The following RORC variants were observed in gnomAD, a reference collection of about 807,000 sequenced individuals.
RORC encodes the protein RAR related orphan receptor C.
RORC carries 13 observed loss-of-function variants against 64.5 expected under a neutral mutation model. That is an observed-to-expected ratio of 0.20 (90% confidence interval 0.13 to 0.32). The LOEUF is 0.32. RORC is among the 10% of genes least tolerant of loss of function. The pLI is 1.00. For synonymous variants in RORC, 277 were observed against 259.3 expected (o/e 1.07, Z -0.65); for missense variants, 468 against 669.5 (o/e 0.70, Z 3.32).
Position 151,807,567 on chromosome 1 carries a change from G to A in RORC, c.1462C>T (p.His488Tyr), listed in dbSNP as rs774068312. The change falls in exon 11 of 11, where the codon CAC becomes TAC. Residue 488 changes from histidine to tyrosine, a missense_variant. His to Tyr is a moderately conservative substitution (Grantham distance 83). This residue lies in a region of RORC where 93 missense variants were observed against 116.6 expected (regional missense o/e 0.80). Coordinates refer to ENST00000318247, the MANE Select transcript of RORC (RefSeq NM_005060.4). The surrounding 1 kb of genome is among the most constrained non-coding windows in gnomAD (Gnocchi z 5.0). ...GCTTGGACCACGATGGGGTGGAGGT[G>A]CTGGAAGATCTGCAGCCTTTCCACA... ...QHVERLQIFQ[H>Y]LHPIVVQAAF... The A allele has an allele frequency of 1.2e-6, 2 of 1,614,160 alleles. No individual in the cohort carries two copies. The highest frequency in any genetic ancestry group is 8.5e-7 in the Non-Finnish European group (1 of 1,180,020).
intron 2 of RORC, among the ~76,000 whole-genome samples, chr1:151,822,861 C>T (rs985680474): frequency 3.9e-5 from 6 of 152,236 alleles, no homozygotes; most frequent in African/African-American, 1.2e-4. Context: ...GGTGAGACTT[C>T]AGAAAGGACT....
chr1:151,810,109 G>A (rs1351222011), intron 10 of RORC, among the ~76,000 whole-genome samples: 1 of 151,994 alleles, frequency 6.6e-6, no homozygotes, highest in African/African-American at 2.4e-5. Flanking sequence ...TTCTCCTGTT[G>A]TTCTTGGTCT....
chr1:151,830,905 G>T lies in RORC; in HGVS notation c.40+820C>A. ...CCTTGCACCTCAGAGCAGTCCTGTG[G>T]TGGGGGTGCTCCCCTTGCTCACCCA... On this transcript the variant is annotated intron_variant, in intron 1 of 10. Coordinates refer to ENST00000318247, the MANE Select transcript of RORC (RefSeq NM_005060.4). This position sits in a 1 kb window ranked among gnomAD's most constrained non-coding sequence, Gnocchi z 4.0. 1 of 1,281,736 alleles carries T rather than the reference G, an allele frequency of 7.8e-7. No individual in the cohort carries two copies. Among genetic ancestry groups the T allele is most frequent in the African/African-American group, 1.5e-5 (1 of 65,840 alleles). 79.4% of individuals were successfully genotyped at this position (1,281,736 alleles called of 1,614,324 possible).
chr1:151,815,242 C>T lies in RORC; in HGVS notation c.482G>A (p.Gly161Asp), dbSNP rs1651713099. 1 of 1,610,656 alleles carries T rather than the reference C, an allele frequency of 6.2e-7. No individual in the cohort carries two copies. Among genetic ancestry groups the T allele is most frequent in the Non-Finnish European group, 8.5e-7 (1 of 1,177,738 alleles). ...AGCCTCAGGCAGGTCAGGCGAGGAG[C>T]CCAGGGGCAGCTGCCCGTCTGGGAG... is the stretch of plus-strand genomic sequence containing the variant. ...LGLPDGQLPL[G>D]SSPDLPEASA... Residue 161 changes from glycine (G) to aspartate (D), a missense_variant, in exon 5 of 11, where the codon GGC becomes GAC. By Grantham distance (94) the Gly-to-Asp change is moderately conservative (BLOSUM62 -1). Coordinates refer to ENST00000318247, the MANE Select transcript of RORC (RefSeq NM_005060.4).
In RORC at chr1:151,816,759, G is replaced by A. The variant is rs1194100940; in HGVS notation, c.203C>T (p.Thr68Ile). The change falls in exon 4 of 11, where the codon ACC becomes ATC. Residue 68 changes from threonine (T) to isoleucine (I), a missense_variant. By Grantham distance (89) the Thr-to-Ile change is moderately conservative. Transcript: ENST00000318247. ...SQRCNAAYSCTRQQNCPIDRT... is the reference protein window; with the variant it reads ...SQRCNAAYSCIRQQNCPIDRT... ...GTCGATGGGGCAGTTCTGCTGACGGGTGCAGGAGTAGGCCGCGTTACAGCG... is the reference window on the plus strand; with the variant it reads ...GTCGATGGGGCAGTTCTGCTGACGGATGCAGGAGTAGGCCGCGTTACAGCG... 3.1e-6 allele frequency: 5 copies of A among 1,588,264 alleles called. No individual in the cohort carries two copies. The South Asian group carries it at 3.4e-5, about 11-fold the overall frequency.
rs148399023 is a variant in RORC, at chr1:151,825,308, G to T, written c.70+4121C>A. On this transcript the variant is annotated intron_variant, in intron 2 of 10. Transcript: ENST00000318247. The stretch of plus-strand genomic sequence containing the variant: ...CGCACACACACACATGCACACACAC[G>T]CAGGCATGTGCCCGGGTGCACCCTG... 9.6e-4 allele frequency among the ~76,000 whole-genome samples: 146 copies of T among 152,030 alleles called. No individual in the cohort carries two copies. In the Middle Eastern group the frequency reaches 0.014, roughly 14 times the overall value.
intron 2 of RORC, among the ~76,000 whole-genome samples, chr1:151,827,645 G>A (rs1652247650): frequency 6.6e-6 from 1 of 152,208 alleles, no homozygotes. Context: ...ACTCCTGAGA[G>A]GTGTCTGATC....
At chr1:151,818,474 C>T (rs1651859245) in intron 2 of RORC, among the ~76,000 whole-genome samples, 1 of 152,202 alleles carries the variant, frequency 6.6e-6, no homozygotes, top group African/African-American at 2.4e-5. Context: ...CTGCTTTGCC[C>T]TGTTCCTGTC....
chr1:151,831,668 C>G, intron 1 of RORC, 57 bp downstream of exon 1: 1 of 1,609,336 alleles, frequency 6.2e-7, no homozygotes, highest in Non-Finnish European at 8.5e-7. Flanking sequence ...CATTTCTGCC[C>G]TCCTCTGAAC....
chr1:151,828,544 C>T (rs1056983088), intron 2 of RORC, among the ~76,000 whole-genome samples: 1 of 152,174 alleles, frequency 6.6e-6, no homozygotes, highest in Non-Finnish European at 1.5e-5. Flanking sequence ...GGCCCCAGGA[C>T]ACAGAGTGCC....
At chr1:151,825,370 G>A (rs916296478) in intron 2 of RORC, among the ~76,000 whole-genome samples, 1 of 152,164 alleles carries the variant, frequency 6.6e-6, no homozygotes, top group African/African-American at 2.4e-5. Context: ...CCTGGATTGG[G>A]CAGAAAGCCT....
rs769094214 is a variant in RORC at position 151,811,428 on chromosome 1, G to A, written c.1292C>T (p.Pro431Leu). Residue 431 changes from proline to leucine, a missense_variant, in exon 10 of 11, where the codon CCA (proline) becomes CTA (leucine). Around this residue, in one of 5 missense-constraint regions of RORC, gnomAD observed 93 missense variants for 116.6 expected, o/e 0.80. Coordinates refer to ENST00000318247, the MANE Select transcript of RORC (RefSeq NM_005060.4). ...TACTTTCCTTTTCTCTTGGAGCCCT[G>A]GCCGATCTGGAGGAGGGGGTGGGAC... ...TALVLINAHRPGLQEKRKVEQ... is the reference protein window; with the variant it reads ...TALVLINAHRLGLQEKRKVEQ... 1.2e-6 allele frequency: 2 copies of A among 1,609,900 alleles called. No individual in the cohort carries two copies. The highest frequency in any genetic ancestry group is 1.7e-6 in the Non-Finnish European group (2 of 1,176,532).
At chr1:151,825,813 C>A in intron 2 of RORC, 3 of 1,253,070 alleles carry the variant, frequency 2.4e-6, no homozygotes, top group Non-Finnish European at 1.1e-6. Flanking sequence ...TGACCTTGAC[C>A]AGGACGCACC....
intron 2 of RORC, among the ~76,000 whole-genome samples, chr1:151,826,367 C>A (rs1652197276): frequency 6.6e-6 from 1 of 152,206 alleles, no homozygotes; most frequent in Non-Finnish European, 1.5e-5. Flanking sequence ...AGCCAAATTT[C>A]TACTCCTCCT....
At chr1:151,825,365 A>G (rs1014395326) in intron 2 of RORC, among the ~76,000 whole-genome samples, 2 of 152,092 alleles carry the variant, frequency 1.3e-5, no homozygotes, top group African/African-American at 2.4e-5. Flanking sequence ...ATGTCCCTGG[A>G]TTGGGCAGAA....
chr1:151,817,395 C>A, intron 2 of RORC, 115 bp from the exon 3 acceptor site: 1 of 707,442 alleles, frequency 1.4e-6, no homozygotes, highest in Non-Finnish European at 2.5e-6. Context: ...CCAACCAGCT[C>A]CAGCTTGCTG....
At chr1:151,826,240 G>A (rs986000140) in intron 2 of RORC, 11 of 438,706 alleles carry the variant, frequency 2.5e-5, no homozygotes, top group East Asian at 4.1e-5. Context: ...GCAGCCAATC[G>A]TAGGGGGCGT....
chr1:151,817,079 C>A (rs1449303490), intron 3 of RORC, 116 bp downstream of exon 3: 3 of 853,570 alleles, frequency 3.5e-6, no homozygotes, highest in African/African-American at 3.3e-5. Flanking sequence ...AGAACAAAGG[C>A]CATTAACCCC....
rs1429370178 is a variant in RORC, at chr1:151,814,556, C to T, written c.933+18G>A. The T allele has an allele frequency of 1.9e-6, 3 of 1,603,678 alleles. No homozygotes were observed. Among genetic ancestry groups the T allele is most frequent in the Non-Finnish European group, 2.6e-6 (3 of 1,172,892 alleles). On this transcript the variant is annotated intron_variant, in intron 6 of 10. Transcript: ENST00000318247. ...GGGGGTGGGATACGTTCCCTTCCTG[C>T]AGGTCTCCTGGCCTCACCTTCCTCT...
Sources: allele counts gnomAD v4.1 joint callset (sites outside exome capture counted in the v4.1 genomes callset), GRCh38; gene constraint gnomAD v4.1.1; regional missense constraint gnomAD v4.1.1; non-coding constraint Gnocchi (gnomAD v3.1); transcripts MANE v1.5; gene names NCBI Gene and HGNC (gene_info 2026-07-23, HGNC 2026-07-21).